Variants in TMEM213 observed in about 807,000 individuals in gnomAD.
TMEM213 encodes the protein transmembrane protein 213.
In TMEM213, 7 loss-of-function variants were observed where a neutral mutation model predicts 11.6. The ratio of observed to expected loss-of-function variants is 0.60; its 90% confidence interval spans 0.34 to 1.13. TMEM213 has a LOEUF of 1.13. Ranked by LOEUF, TMEM213 falls within the 50% of genes most tolerant of loss-of-function variation. The pLI, the probability that TMEM213 is intolerant of heterozygous loss-of-function variation, is 0.03. For missense variants in TMEM213, 129 were observed against 139.0 expected (o/e 0.93, Z 0.36); for synonymous variants, 60 against 58.3 (o/e 1.03, Z -0.13).
intron 1 of TMEM213, among the ~76,000 whole-genome samples, chr7:138,800,548 G>A (rs1235041333): frequency 2.0e-5 from 3 of 152,110 alleles, no homozygotes; most frequent in Non-Finnish European, 4.4e-5. Flanking sequence ...TCATTCTGGA[G>A]GCTGGAAGTC....
At chr7:138,800,850 C>T (rs1808918711) in intron 1 of TMEM213, among the ~76,000 whole-genome samples, 1 of 152,084 alleles carries the variant, frequency 6.6e-6, no homozygotes, top group African/African-American at 2.4e-5. Context: ...CAGGCATGCA[C>T]CACCACGCCC....
chr7:138,798,186 G>GGTA lies in TMEM213; in HGVS notation c.82+2_82+4dup, dbSNP rs1482322024. 10 of 1,589,208 alleles carry GGTA rather than the reference G, an allele frequency of 6.3e-6. No homozygotes were observed. The highest frequency in any genetic ancestry group is 8.6e-6 in the Non-Finnish European group (10 of 1,168,464). ...CTCCCTCCACTCGGCTTGCTCGGCAGGTAGCGTTATGAGCTTTATTCATGG... is the reference window on the plus strand; with the variant it reads ...CTCCCTCCACTCGGCTTGCTCGGCAGGTAGTAGCGTTATGAGCTTTATTCATGG... On this transcript the variant is annotated protein_altering_variant and splice_region_variant. Transcript: ENST00000442682.
At chr7:138,798,386 G>A (rs1808803136) in intron 1 of TMEM213, 200 bp downstream of exon 1, 1 of 570,802 alleles carries the variant, frequency 1.8e-6, no homozygotes, top group African/African-American at 1.9e-5. Context: ...GGGGTCTTAG[G>A]TTGGCCTGAG....
rs758966614 is a variant in TMEM213, at chr7:138,803,017, T to C, written c.272T>C (p.Val91Ala). The change falls in exon 3 of 3, where the codon GTG (valine) becomes GCG (alanine). Residue 91 changes from valine to alanine, a missense_variant. Physicochemically the swap from Val to Ala is moderately conservative, Grantham distance 64 (BLOSUM62 0). Transcript: ENST00000442682. ...LWFLTLILLC[V>A]DKLMKLTPDE... The stretch of plus-strand genomic sequence containing the variant: ...TTCCTCACCCTCATCCTGCTCTGTG[T>C]GGACAAACTGATGAAGCTGACTCCA... 31 of 1,613,710 alleles carry C rather than the reference T, an allele frequency of 1.9e-5. No individual in the cohort carries two copies. Among genetic ancestry groups the C allele is most frequent in the Non-Finnish European group, 2.5e-5 (30 of 1,179,886 alleles).
At chr7:138,801,523 C>A in intron 2 of TMEM213, 125 bp downstream of exon 2, 1 of 903,118 alleles carries the variant, frequency 1.1e-6, no homozygotes, top group Non-Finnish European at 1.7e-6. Flanking sequence ...CCTTCCTGTG[C>A]ACCAGTGTGG....
chr7:138,798,812 G>A (rs1373796312), intron 1 of TMEM213, among the ~76,000 whole-genome samples: 6 of 152,114 alleles, frequency 3.9e-5, no homozygotes, highest in Non-Finnish European at 7.4e-5. Flanking sequence ...GCCAGGCCGG[G>A]TTCTGCAACT....
rs752277718 is a variant in TMEM213 at position 138,803,054 on chromosome 7, G to A, written c.309G>A (p.Lys103=). 6.2e-7 allele frequency: 1 copy of A among 1,613,410 alleles called. No homozygotes were observed. The highest frequency in any genetic ancestry group is 1.1e-5 in the South Asian group (1 of 91,016). Residue 103 remains lysine (K), a synonymous_variant, in exon 3 of 3, where the codon AAG becomes AAA. Coordinates refer to ENST00000442682, the MANE Select transcript of TMEM213 (RefSeq NM_001085429.2). The part of the protein sequence containing the change: ...KLMKLTPDEP[K]DLQA ...TGAAGCTGACTCCAGATGAGCCCAA[G>A]GACTTGCAAGCGTGAGACCCAGGCT...
intron 1 of TMEM213, among the ~76,000 whole-genome samples, chr7:138,801,107 T>A (rs573434331): frequency 6.6e-6 from 1 of 152,096 alleles, no homozygotes; most frequent in Admixed American, 6.5e-5. Context: ...TACAATCACA[T>A]TGGGGTTAGG....
At position 138,798,011 on chromosome 7, in the gene TMEM213, C is replaced by G; in HGVS notation, c.-94C>G. 1 of 1,549,928 alleles carries G rather than the reference C, an allele frequency of 6.5e-7. No individual in the cohort carries two copies. Among genetic ancestry groups the G allele is most frequent in the Non-Finnish European group, 8.7e-7 (1 of 1,146,446 alleles). The stretch of plus-strand genomic sequence containing the variant: ...CCTCTGGCAGAGTTGCTTTCCAGCT[C>G]CTGCAGGTGGGAGTCGACTCACCTG... On this transcript the variant is annotated 5_prime_UTR_variant, in exon 1 of 3. Transcript: ENST00000442682.
chr7:138,801,543 G>A, intron 2 of TMEM213, 145 bp downstream of exon 2: 1 of 755,008 alleles, frequency 1.3e-6, no homozygotes, highest in Non-Finnish European at 2.2e-6. Context: ...GTTTGTCCCA[G>A]AACTATTTGC....
chr7:138,798,181 C>T lies in TMEM213; in HGVS notation c.77C>T (p.Ser26Leu), dbSNP rs759335247. 40 of 1,590,112 alleles carry T rather than the reference C, an allele frequency of 2.5e-5. No individual in the cohort carries two copies. The highest frequency in any genetic ancestry group is 2.0e-4 in the Admixed American group (11 of 55,608). ...TTTGCCTCCCTCCACTCGGCTTGCTCGGCAGGTAGCGTTATGAGCTTTATT... is the reference window on the plus strand; with the variant it reads ...TTTGCCTCCCTCCACTCGGCTTGCTTGGCAGGTAGCGTTATGAGCTTTATT... ...LAFASLHSAC[S>L]AEASSSNSSS... is the part of the protein sequence containing the mutation. The change falls in exon 1 of 3, where the codon TCG (serine) becomes TTG (leucine). Residue 26 changes from serine to leucine, a missense_variant. Coordinates refer to ENST00000442682, the MANE Select transcript of TMEM213 (RefSeq NM_001085429.2).
intron 1 of TMEM213, among the ~76,000 whole-genome samples, chr7:138,800,744 A>G (rs1360001355): frequency 2.2e-5 from 3 of 136,962 alleles, no homozygotes; most frequent in African/African-American, 8.5e-5. Context: ...CTCGTCACCC[A>G]GGCTGGAGTG....
At chr7:138,800,196 C>T (rs571779212) in intron 1 of TMEM213, among the ~76,000 whole-genome samples, 17 of 152,170 alleles carry the variant, frequency 1.1e-4, no homozygotes, top group South Asian at 4.2e-4. Flanking sequence ...TAGTCACACG[C>T]GGCAATGGAA....
At chr7:138,798,805 A>T (rs1808822471) in intron 1 of TMEM213, among the ~76,000 whole-genome samples, 1 of 152,130 alleles carries the variant, frequency 6.6e-6, no homozygotes. Context: ...TTGCCCTGCC[A>T]GGCCGGGTTC....
Position 138,804,484 on chromosome 7 carries a change from C to A in TMEM213, c.*1415C>A, listed in dbSNP as rs139300395. 9.3e-4 allele frequency: 141 copies of A among 152,270 alleles called. No homozygotes were observed. The highest frequency in any genetic ancestry group is 3.3e-3 in the African/African-American group (138 of 41,538). 9.4% of individuals were successfully genotyped at this position (152,270 alleles called of 1,614,324 possible). A position where few individuals can be genotyped will look rare whatever the true frequency, so the allele number is the denominator to read the frequency against. On this transcript the variant is annotated 3_prime_UTR_variant, in exon 3 of 3. Coordinates refer to ENST00000442682, the MANE Select transcript of TMEM213 (RefSeq NM_001085429.2). The stretch of plus-strand genomic sequence containing the variant: ...GCCTTCCTGGTCATCCTTGGGTGAC[C>A]TGGAGCTGGTGCTGTTAGAGCACTT...
intron 1 of TMEM213, among the ~76,000 whole-genome samples, chr7:138,799,128 T>C (rs968271661): frequency 1.3e-5 from 2 of 152,186 alleles, no homozygotes; most frequent in Admixed American, 1.3e-4. Flanking sequence ...ATGCCAAGTT[T>C]CCTCCTTTAT....
intron 1 of TMEM213, chr7:138,799,217 C>A (rs1808845629): frequency 6.6e-6 from 1 of 152,214 alleles, no homozygotes; most frequent in South Asian, 2.1e-4. Flanking sequence ...GCCCATAGAA[C>A]ACACACAGTG....
rs368646400 is a variant in TMEM213 at position 138,798,050 on chromosome 7, G to A, written c.-55G>A. The A allele has an allele frequency of 2.5e-3, 3,964 of 1,559,220 alleles. 129 individuals are homozygous for A. In the South Asian group the frequency reaches 0.045, roughly 18 times the overall value. ...TCGACTCACCTGCAGCAGGCACTCG[G>A]CACAACTCCGCAGGACCGGCTCACC... On this transcript the variant is annotated 5_prime_UTR_variant, in exon 1 of 3. Transcript: ENST00000442682.
chr7:138,802,523 C>T (rs1255911587), intron 2 of TMEM213, among the ~76,000 whole-genome samples: 1 of 149,396 alleles, frequency 6.7e-6, no homozygotes, highest in Non-Finnish European at 1.5e-5. Context: ...TGCACTCCAG[C>T]CTGGGCAACA....
Sources: allele counts gnomAD v4.1 joint callset (sites outside exome capture counted in the v4.1 genomes callset), GRCh38; gene constraint gnomAD v4.1.1; transcripts MANE v1.5; gene names NCBI Gene and HGNC (gene_info 2026-07-23, HGNC 2026-07-21).